Variants in SDK1 observed in about 807,000 individuals in gnomAD.
The protein encoded by SDK1 is sidekick cell adhesion molecule 1, also known as protein sidekick-1.
Under a neutral mutation model 245.5 loss-of-function variants are expected in SDK1, and 157 were observed. That is an observed-to-expected ratio of 0.64 (90% confidence interval 0.56 to 0.73). The LOEUF (loss-of-function observed/expected upper bound fraction) is 0.73, where lower values mean the gene tolerates loss of function less well. SDK1 is among the 30% of genes least tolerant of loss of function. SDK1 has a pLI of 0.00. For missense variants in SDK1, 3,583 were observed against 3,002.3 expected, an observed-to-expected ratio of 1.19 and a Z score of -4.52; for synonymous variants, 1,647 against 1,278.5, an observed-to-expected ratio of 1.29 and a Z score of -6.15.
At chr7:3,594,353 T>C (rs1321814008) in intron 1 of SDK1, among the ~76,000 whole-genome samples, 3 of 152,252 alleles carry the variant, frequency 2.0e-5, no homozygotes, top group Non-Finnish European at 2.9e-5. Flanking sequence ...CATTTATCAG[T>C]TGATAGACAT....
intron 4 of SDK1, among the ~76,000 whole-genome samples, chr7:3,644,695 G>T (rs1782765576): frequency 6.9e-6 from 1 of 145,612 alleles, no homozygotes; most frequent in Non-Finnish European, 1.5e-5. Flanking sequence ...ATAGCTTGAG[G>T]CCAGAAGTTG....
At chr7:3,628,320 G>A (rs928822314) in intron 2 of SDK1, among the ~76,000 whole-genome samples, 1 of 152,002 alleles carries the variant, frequency 6.6e-6, no homozygotes, top group African/African-American at 2.4e-5. Context: ...GCTTAGGCTA[G>A]AGTATATATA....
intron 17 of SDK1, 43 bp from the exon 18 acceptor site, chr7:4,049,305 C>G: frequency 6.7e-7 from 1 of 1,490,940 alleles, no homozygotes; most frequent in Non-Finnish European, 9.3e-7. Context: ...CATGGTCCCT[C>G]CTGCCATTTG....
At chr7:3,807,712 CA>C (rs1185070944) in intron 4 of SDK1, among the ~76,000 whole-genome samples, 2 of 152,136 alleles carry the variant, frequency 1.3e-5, no homozygotes, top group Non-Finnish European at 2.9e-5. Context: ...ATGACAGAGA[CA>C]ACCATTAAAG....
intron 4 of SDK1, among the ~76,000 whole-genome samples, chr7:3,730,655 G>A (rs987080751): frequency 1.3e-5 from 2 of 152,110 alleles, no homozygotes; most frequent in Non-Finnish European, 2.9e-5. Context: ...GTTGTGGCTT[G>A]GGTTCCAGAT....
rs757118883 is a variant in SDK1, at chr7:3,641,986, G to C, written c.594G>C (p.Gln198His). ...AYMGSFMDTD[Q>H]RKTVSQGRAA... is the part of the protein sequence containing the mutation. The stretch of plus-strand genomic sequence containing the variant: ...TGGGAAGTTTCATGGATACGGACCA[G>C]AGGAAAACAGTTTCTCAAGGACGTG... The change falls in exon 4 of 45, where the codon CAG (glutamine) becomes CAC (histidine). Residue 198 changes from glutamine to histidine, a missense_variant. Coordinates refer to ENST00000404826, the MANE Select transcript of SDK1 (RefSeq NM_152744.4). 1.2e-6 allele frequency: 2 copies of C among 1,614,088 alleles called. No homozygotes were observed. The highest frequency in any genetic ancestry group is 1.7e-6 in the Non-Finnish European group (2 of 1,179,960).
chr7:3,633,045 T>C (rs186531383), intron 2 of SDK1, among the ~76,000 whole-genome samples: 21 of 152,334 alleles, frequency 1.4e-4, no homozygotes, highest in Non-Finnish European at 2.9e-4. Context: ...AGGACATAAA[T>C]GGCTTACAGT....
chr7:3,934,838 A>C (rs1780100452), intron 5 of SDK1, among the ~76,000 whole-genome samples: 2 of 152,216 alleles, frequency 1.3e-5, no homozygotes, highest in South Asian at 4.1e-4. Flanking sequence ...AGGAGTGTGC[A>C]AAGGACACAG....
chr7:4,220,880 C>T (rs1311342873), intron 39 of SDK1, among the ~76,000 whole-genome samples: 2 of 147,128 alleles, frequency 1.4e-5, no homozygotes, highest in African/African-American at 5.0e-5. Flanking sequence ...TGAAGCGATA[C>T]CCCCACCCCC....
intron 1 of SDK1, among the ~76,000 whole-genome samples, chr7:3,519,363 A>G (rs541563684): frequency 3.3e-4 from 50 of 152,284 alleles, no homozygotes; most frequent in African/African-American, 1.0e-3. Flanking sequence ...ATTGTAATGT[A>G]TCAAAACATT....
chr7:4,032,239 C>G (rs1583886871), intron 17 of SDK1, among the ~76,000 whole-genome samples: 1 of 152,280 alleles, frequency 6.6e-6, no homozygotes, highest in African/African-American at 2.4e-5. Flanking sequence ...AGATCATATT[C>G]AAGTGGGATT....
At chr7:3,777,706 C>G (rs1780607855) in intron 4 of SDK1, among the ~76,000 whole-genome samples, 1 of 152,204 alleles carries the variant, frequency 6.6e-6, no homozygotes, top group East Asian at 1.9e-4. Context: ...CCATGCCACA[C>G]CACACTGCCC....
intron 1 of SDK1, among the ~76,000 whole-genome samples, chr7:3,470,220 C>G (rs1781138175): frequency 6.6e-6 from 1 of 152,108 alleles, no homozygotes; most frequent in South Asian, 2.1e-4. Context: ...TCTTCTCTCC[C>G]TCCTTTAAAC....
intron 35 of SDK1, 85 bp downstream of exon 35, chr7:4,178,671 G>A (rs1406197843): frequency 1.1e-6 from 1 of 935,448 alleles, no homozygotes. Context: ...AAGCCCCTCA[G>A]GTGTCCAGCA....
At chr7:3,707,601 C>T (rs1306029612) in intron 4 of SDK1, among the ~76,000 whole-genome samples, 1 of 152,066 alleles carries the variant, frequency 6.6e-6, no homozygotes, top group Non-Finnish European at 1.5e-5. Context: ...ATTGTTTGTT[C>T]GTTGACTTTC....
rs113855941 is a variant in SDK1, at chr7:3,453,644, C to T, written c.298+151760C>T. 3.3e-5 allele frequency among the ~76,000 whole-genome samples: 5 copies of T among 152,332 alleles called. 1 individual carries two copies. The highest frequency in any genetic ancestry group is 1.2e-4 in the African/African-American group (5 of 41,568). ...CAAGGAGCAGATTTCCCCTTAGAGC[C>T]TCCAGAGGGAGAGCAGCCTGGAACT... On this transcript the variant is annotated intron_variant, in intron 1 of 44. Coordinates refer to ENST00000404826, the MANE Select transcript of SDK1 (RefSeq NM_152744.4).
At chr7:3,556,653 T>C (rs1000496848) in intron 1 of SDK1, among the ~76,000 whole-genome samples, 5 of 152,080 alleles carry the variant, frequency 3.3e-5, no homozygotes, top group Non-Finnish European at 7.4e-5. Context: ...AAACCTCGTC[T>C]CTACTAAAAA....
intron 1 of SDK1, among the ~76,000 whole-genome samples, chr7:3,546,827 C>A (rs1421314978): frequency 6.6e-6 from 1 of 152,126 alleles, no homozygotes; most frequent in African/African-American, 2.4e-5. Flanking sequence ...CTCAGGTTAC[C>A]TACCCGTTAG....
chr7:4,202,496 T>G (rs1486855504), intron 35 of SDK1, among the ~76,000 whole-genome samples: 1 of 152,030 alleles, frequency 6.6e-6, no homozygotes, highest in African/African-American at 2.4e-5. Flanking sequence ...AGAAAGTGAG[T>G]TGTTTGGTCA....
Sources: gnomAD v4.1 joint callset for allele counts (sites outside exome capture counted in the v4.1 genomes callset) on GRCh38, gnomAD v4.1.1 for gene constraint, MANE v1.5 for transcripts, NCBI Gene and HGNC (gene_info 2026-07-23, HGNC 2026-07-21) for gene names.